WDR86: variants seen among roughly 807,000 people sequenced by gnomAD.
WDR86 encodes WD repeat domain 86, also known as WD repeat-containing protein 86.
A neutral mutation model predicts 36.5 loss-of-function variants in WDR86; 30 were observed. That is an observed-to-expected ratio of 0.82 (90% confidence interval 0.61 to 1.11). The LOEUF is 1.11. Among genes scored for constraint, WDR86 ranks in the 50% most tolerant of loss-of-function variants. The probability of loss-of-function intolerance (pLI) is 0.00; values close to 1 mark genes in which losing one functional copy is unlikely to be tolerated. For synonymous variants in WDR86, 255 were observed against 252.9 expected (o/e 1.01, Z -0.08); for missense variants, 545 against 561.2 (o/e 0.97, Z 0.29).
intron 2 of WDR86, among the ~76,000 whole-genome samples, chr7:151,397,941 C>G (rs1053349211): frequency 5.3e-5 from 8 of 151,950 alleles, no homozygotes; most frequent in Non-Finnish European, 1.0e-4. Flanking sequence ...ACTGAACGAT[C>G]GGTGACCCCA....
chr7:151,370,494 C>A, the WDR86 span, among the ~76,000 whole-genome samples: 77 of 152,076 alleles, frequency 5.1e-4, no homozygotes, highest in Non-Finnish European at 8.5e-4. Context: ...TACTCCACTA[C>A]CAGTAAGAAT....
At chr7:151,382,014 C>T (rs1171267582) in intron 4 of WDR86, 33 bp from the exon 5 acceptor site, 1 of 1,551,378 alleles carries the variant, frequency 6.4e-7, no homozygotes. Flanking sequence ...GGGCCTCCCT[C>T]CCTGCTCGGC....
rs751367222 is a variant in WDR86 at position 151,396,089 on chromosome 7, T to C, written c.413A>G (p.Asn138Ser). Residue 138 changes from asparagine to serine, a missense_variant, in exon 3 of 6, where the codon AAC (asparagine) becomes AGC (serine). Physicochemically the swap from Asn to Ser is conservative, Grantham distance 46 (BLOSUM62 1). Coordinates refer to ENST00000334493, the MANE Select transcript of WDR86 (RefSeq NM_198285.3). ...QMSREFRGHR[N>S]CVLTLAYSAP... ...AGAGTAGGCTAGGGTCAGCACGCAG[T>C]TGCGGTGGCCCCGGAACTCCCGGGA... 30 of 1,612,656 alleles carry C rather than the reference T, an allele frequency of 1.9e-5. No homozygotes were observed. Among genetic ancestry groups the C allele is most frequent in the South Asian group, 1.3e-4 (12 of 91,082 alleles).
Position 151,381,994 on chromosome 7 carries a change from AGC to A in WDR86, c.863-15_863-14del, listed in dbSNP as rs1563042265. 6.3e-7 allele frequency: 1 copy of A among 1,586,082 alleles called. No homozygotes were observed. Among genetic ancestry groups the A allele is most frequent in the East Asian group, 2.3e-5 (1 of 43,258 alleles). On this transcript the variant is annotated splice_polypyrimidine_tract_variant and intron_variant, in intron 4 of 5. Transcript: ENST00000334493. This position sits in a 1 kb window ranked among gnomAD's most constrained non-coding sequence, Gnocchi z 4.8. ...CTGCCCGTGAACACTGCGGACACACAGCGCGCGCTGGGCCTCCCTCCCTGCTC... is the reference window on the plus strand; with the variant it reads ...CTGCCCGTGAACACTGCGGACACACAGCGCGCTGGGCCTCCCTCCCTGCTC...
At chr7:151,393,910 C>A (rs905698952) in intron 3 of WDR86, among the ~76,000 whole-genome samples, 2 of 152,046 alleles carry the variant, frequency 1.3e-5, no homozygotes, top group Admixed American at 6.5e-5. Context: ...AGTGTGCCTC[C>A]CCAAAACACG....
chr7:151,376,439 G>A (rs1025119267), downstream of WDR86: 60 of 579,912 alleles, frequency 1.0e-4, no homozygotes, highest in Admixed American at 2.6e-4. Context: ...TGACGCACCC[G>A]ACTTGAGTCT....
chr7:151,376,752 T>A, downstream of WDR86: 1 of 1,597,372 alleles, frequency 6.3e-7, no homozygotes, highest in Middle Eastern at 1.7e-4. Context: ...CCTCCCGAGC[T>A]GCCGCTGTCG....
downstream of WDR86, chr7:151,375,791 G>T: frequency 8.5e-7 from 1 of 1,173,478 alleles, no homozygotes; most frequent in Non-Finnish European, 1.3e-6. Flanking sequence ...TGCAGCGCCT[G>T]TCTGAATGTG....
rs1403065553 is a variant in WDR86, at chr7:151,381,362, A to C, written c.*220T>G. 3.5e-6 allele frequency: 5 copies of C among 1,429,878 alleles called. No homozygotes were observed. Among genetic ancestry groups the C allele is most frequent in the Non-Finnish European group, 3.6e-6 (4 of 1,102,254 alleles). The allele number at this position is 1,429,878 out of a possible 1,614,324, so 88.6% of individuals were successfully genotyped here. A position where few individuals can be genotyped will look rare whatever the true frequency, so the allele number is the denominator to read the frequency against. The stretch of plus-strand genomic sequence containing the variant: ...GGGAGGGAGGACAGGAGCCACCCTA[A>C]AAGGGAAAAGGGGGCGGTCCCCAGG... On this transcript the variant is annotated 3_prime_UTR_variant, in exon 6 of 6. Coordinates refer to ENST00000334493, the MANE Select transcript of WDR86 (RefSeq NM_198285.3). The surrounding 1 kb of genome is among the most constrained non-coding windows in gnomAD (Gnocchi z 4.8).
intron 3 of WDR86, among the ~76,000 whole-genome samples, chr7:151,393,772 T>C (rs1799610501): frequency 6.6e-6 from 1 of 151,992 alleles, no homozygotes; most frequent in Non-Finnish European, 1.5e-5. Flanking sequence ...CCCCCAGCTC[T>C]TTACGAGTCT....
At position 151,388,287 on chromosome 7, in the gene WDR86, T is replaced by G. The variant is rs1563049294; in HGVS notation, c.727-3064A>C. On this transcript the variant is annotated intron_variant, in intron 3 of 5. Transcript: ENST00000334493. The surrounding 1 kb of genome is among the most constrained non-coding windows in gnomAD (Gnocchi z 4.2). Reference sequence around the variant, plus strand: ...GTGCATAGGTGTCTGTTTTAGTTATTTTTTACAATTTACATTTGAAATGTT... The same window carrying G: ...GTGCATAGGTGTCTGTTTTAGTTATGTTTTACAATTTACATTTGAAATGTT... Among the ~76,000 whole-genome samples the G allele has an allele frequency of 6.6e-6, 1 of 152,272 alleles. No individual in the cohort carries two copies. Among genetic ancestry groups the G allele is most frequent in the Non-Finnish European group, 1.5e-5 (1 of 68,052 alleles).
chr7:151,373,096 A>T (rs948921029), downstream of WDR86, among the ~76,000 whole-genome samples: 1 of 152,144 alleles, frequency 6.6e-6, no homozygotes, highest in African/African-American at 2.4e-5. Context: ...GGGAAAATGC[A>T]GGGAGGCGCC....
At chr7:151,398,087 G>A (rs1438393010) in intron 2 of WDR86, among the ~76,000 whole-genome samples, 1 of 152,222 alleles carries the variant, frequency 6.6e-6, no homozygotes, top group South Asian at 2.1e-4. Flanking sequence ...AATAGTGTGT[G>A]TGTTTGTATA....
At chr7:151,379,920 G>C (rs1342412324), downstream of WDR86, among the ~76,000 whole-genome samples, 2 of 152,182 alleles carry the variant, frequency 1.3e-5, no homozygotes, top group South Asian at 4.1e-4. Flanking sequence ...AGCACTGCCC[G>C]CAGGCAGCAC....
In WDR86 at chr7:151,381,940, C is replaced by A. The variant is rs1297158168; in HGVS notation, c.904G>T (p.Ala302Ser). 1.2e-6 allele frequency: 2 copies of A among 1,609,274 alleles called. No individual in the cohort carries two copies. The highest frequency in any genetic ancestry group is 8.5e-7 in the Non-Finnish European group (1 of 1,178,370). ...SGDACARAFD[A>S]QSGELRRVFR... Reference sequence around the variant, plus strand: ...ACCCTCCGCAGCTCTCCAGACTGCGCGTCGAAGGCCCGGGCGCAAGCGTCC... The same window carrying A: ...ACCCTCCGCAGCTCTCCAGACTGCGAGTCGAAGGCCCGGGCGCAAGCGTCC... The change falls in exon 5 of 6, where the codon GCG becomes TCG. Residue 302 changes from alanine (A) to serine (S), a missense_variant. Coordinates refer to ENST00000334493, the MANE Select transcript of WDR86 (RefSeq NM_198285.3). The surrounding 1 kb of genome is among the most constrained non-coding windows in gnomAD (Gnocchi z 4.8).
At chr7:151,408,553 T>G (rs1800913718) in intron 1 of WDR86, 1 of 206,130 alleles carries the variant, frequency 4.9e-6, no homozygotes, top group Admixed American at 5.0e-5. Context: ...GGGGCTAATA[T>G]CCTACCTAAG....
chr7:151,397,972 G>C (rs1799992312), intron 2 of WDR86, among the ~76,000 whole-genome samples: 1 of 152,136 alleles, frequency 6.6e-6, no homozygotes, highest in African/African-American at 2.4e-5. Flanking sequence ...GCCTGACCTG[G>C]CTCTGAAAAC....
At chr7:151,386,095 A>T (rs1293402401) in intron 3 of WDR86, among the ~76,000 whole-genome samples, 1 of 152,178 alleles carries the variant, frequency 6.6e-6, no homozygotes, top group Non-Finnish European at 1.5e-5. Flanking sequence ...GCTAGGGCCC[A>T]GGAACCAGGA....
In WDR86 at chr7:151,384,672, C is replaced by A. The variant is rs1181534882; in HGVS notation, c.862+416G>T. Among the ~76,000 whole-genome samples, 5 of 152,312 alleles carry A rather than the reference C, an allele frequency of 3.3e-5. No individual in the cohort carries two copies. The East Asian group carries it at 9.7e-4, about 29-fold the overall frequency. ...TTCTACCTGAGAGAAAATAAACCAC[C>A]ACCTCATTGGAACCACAGCTACCTG... On this transcript the variant is annotated intron_variant, in intron 4 of 5. Transcript: ENST00000334493.
Sources: gnomAD v4.1 joint callset for allele counts (sites outside exome capture counted in the v4.1 genomes callset) on GRCh38, gnomAD v4.1.1 for gene constraint, Gnocchi (gnomAD v3.1) non-coding constraint, MANE v1.5 for transcripts, NCBI Gene and HGNC (gene_info 2026-07-23, HGNC 2026-07-21) for gene names.